Variants in PIP5K1B observed in about 807,000 individuals in gnomAD.
PIP5K1B encodes phosphatidylinositol 4-phosphate 5-kinase type-1 beta.
PIP5K1B carries 42 observed loss-of-function variants against 67.0 expected under a neutral mutation model. The observed-to-expected ratio is 0.63, with a 90% CI of 0.49 to 0.81. The LOEUF is 0.81. Among genes scored for constraint, PIP5K1B ranks in the 30% least tolerant of loss-of-function variants. The pLI is 0.00. For missense variants in PIP5K1B, 459 were observed against 646.3 expected (o/e 0.71, Z 3.14); for synonymous variants, 214 against 231.4 (o/e 0.92, Z 0.68).
At chr9:68,917,902 A>T (rs1436501248) in intron 9 of PIP5K1B, 143 bp downstream of exon 9, 1 of 620,360 alleles carries the variant, frequency 1.6e-6, no homozygotes, top group East Asian at 2.7e-5. Flanking sequence ...ACTGGTCTCC[A>T]TTTCTATTCA....
intron 4 of PIP5K1B, among the ~76,000 whole-genome samples, chr9:68,839,923 T>G (rs907945552): frequency 3.3e-5 from 5 of 152,216 alleles, no homozygotes; most frequent in Non-Finnish European, 7.3e-5. Context: ...CATTCATTTA[T>G]TCAACAAATT....
chr9:68,826,491 T>C (rs1833984091), intron 4 of PIP5K1B, among the ~76,000 whole-genome samples: 1 of 152,230 alleles, frequency 6.6e-6, no homozygotes, highest in Non-Finnish European at 1.5e-5. Flanking sequence ...TCAAATGTTT[T>C]TAAAAATACA....
chr9:68,765,957 C>A (rs182905283), intron 2 of PIP5K1B, among the ~76,000 whole-genome samples: 7 of 152,040 alleles, frequency 4.6e-5, no homozygotes, highest in Admixed American at 2.0e-4. Flanking sequence ...GGACAAGGGG[C>A]CAAAAAATAA....
At chr9:68,834,848 G>T (rs1834512660) in intron 4 of PIP5K1B, among the ~76,000 whole-genome samples, 1 of 152,114 alleles carries the variant, frequency 6.6e-6, no homozygotes, top group Non-Finnish European at 1.5e-5. Flanking sequence ...TAATGATGTG[G>T]CATCCTGAAG....
At chr9:68,940,897 C>A in intron 14 of PIP5K1B, 107 bp downstream of exon 14, 1 of 1,006,484 alleles carries the variant, frequency 9.9e-7, no homozygotes. Context: ...CAGGATGTGC[C>A]TGTCATCTGC....
chr9:68,919,466 G>C lies in PIP5K1B; in HGVS notation c.984-13G>C, dbSNP rs770217384. 2 of 1,371,882 alleles carry C rather than the reference G, an allele frequency of 1.5e-6. No individual in the cohort carries two copies. The highest frequency in any genetic ancestry group is 1.3e-5 in the South Asian group (1 of 78,448). The allele number at this position is 1,371,882 out of a possible 1,614,324, so 85.0% of individuals were successfully genotyped here. A position where few individuals can be genotyped will look rare whatever the true frequency, so the allele number is the denominator to read the frequency against. ...TATGTAATCAAATATTTTCTCTTTT[G>C]CTCCATCAACAGAATGGGAGGCATT... On this transcript the variant is annotated splice_polypyrimidine_tract_variant and intron_variant, in intron 9 of 15. Coordinates refer to ENST00000265382, the MANE Select transcript of PIP5K1B (RefSeq NM_003558.4).
chr9:68,775,480 A>T (rs1157085394), intron 2 of PIP5K1B, among the ~76,000 whole-genome samples: 2 of 152,224 alleles, frequency 1.3e-5, no homozygotes, highest in Non-Finnish European at 2.9e-5. Flanking sequence ...ACAGCAGTCA[A>T]TCTGGTAACT....
At chr9:68,908,947 C>T (rs1453221430) in intron 8 of PIP5K1B, among the ~76,000 whole-genome samples, 1 of 152,182 alleles carries the variant, frequency 6.6e-6, no homozygotes, top group African/African-American at 2.4e-5. Flanking sequence ...CCTGTCAGCT[C>T]CACATTTTGT....
At chr9:68,883,227 C>T (rs1042092569) in intron 6 of PIP5K1B, among the ~76,000 whole-genome samples, 13 of 152,316 alleles carry the variant, frequency 8.5e-5, no homozygotes, top group East Asian at 5.8e-4. Flanking sequence ...TTTCACAAAT[C>T]GCTCTTCCAC....
chr9:68,881,177 C>G (rs982478252), intron 6 of PIP5K1B, among the ~76,000 whole-genome samples: 1 of 152,178 alleles, frequency 6.6e-6, no homozygotes. Flanking sequence ...ACCAGCTGGC[C>G]TCATGCTTTC....
intron 4 of PIP5K1B, among the ~76,000 whole-genome samples, chr9:68,858,055 C>G (rs1174743606): frequency 6.6e-6 from 1 of 152,042 alleles, no homozygotes; most frequent in African/African-American, 2.4e-5. Context: ...GTCACTACAA[C>G]CTTTGCCTCC....
intron 14 of PIP5K1B, among the ~76,000 whole-genome samples, chr9:68,971,410 T>C (rs1829361686): frequency 1.3e-5 from 2 of 152,222 alleles, no homozygotes; most frequent in South Asian, 4.1e-4. Context: ...GGCATTTCGG[T>C]TGGTTCCAAT....
In PIP5K1B at chr9:68,776,352, C is replaced by T. The variant is rs201264979; in HGVS notation, c.-86+33695C>T. 3.9e-5 allele frequency among the ~76,000 whole-genome samples: 6 copies of T among 152,274 alleles called. No individual in the cohort carries two copies. The East Asian group carries it at 9.6e-4, about 24-fold the overall frequency. ...CTAATAATAATATTGTTCTAAGTGCCTACTCCCTGCTAGTCACTTTAAACA... is the reference window on the plus strand; with the variant it reads ...CTAATAATAATATTGTTCTAAGTGCTTACTCCCTGCTAGTCACTTTAAACA... On this transcript the variant is annotated intron_variant, in intron 2 of 15. Coordinates refer to ENST00000265382, the MANE Select transcript of PIP5K1B (RefSeq NM_003558.4).
intron 11 of PIP5K1B, among the ~76,000 whole-genome samples, chr9:68,921,863 T>A (rs1328284458): frequency 1.4e-5 from 2 of 147,388 alleles, no homozygotes; most frequent in Non-Finnish European, 3.0e-5. Flanking sequence ...AAATAAATAA[T>A]AAATAAATTA....
At chr9:68,913,612 T>C (rs1414764664) in intron 8 of PIP5K1B, among the ~76,000 whole-genome samples, 1 of 152,216 alleles carries the variant, frequency 6.6e-6, no homozygotes, top group Non-Finnish European at 1.5e-5. Context: ...TTTCTCTTTT[T>C]GTTCCTTCAG....
At chr9:68,716,275 TTCA>T (rs1172757386) in intron 1 of PIP5K1B, among the ~76,000 whole-genome samples, 3 of 152,242 alleles carry the variant, frequency 2.0e-5, no homozygotes, top group African/African-American at 4.8e-5. Context: ...ACTATATGGC[TTCA>T]ACTTAAAAGG....
intron 1 of PIP5K1B, among the ~76,000 whole-genome samples, chr9:68,719,604 G>A (rs1351668284): frequency 6.6e-6 from 1 of 152,104 alleles, no homozygotes; most frequent in East Asian, 1.9e-4. Context: ...AAGATGTGTT[G>A]TTCAGACTCA....
In PIP5K1B at chr9:68,831,432, G is replaced by A. The variant is rs139715845; in HGVS notation, c.69+8749G>A. Among the ~76,000 whole-genome samples the A allele has an allele frequency of 1.4e-3, 215 of 152,310 alleles. 3 individuals are homozygous for A. Among genetic ancestry groups the A allele is most frequent in the African/African-American group, 4.9e-3 (205 of 41,574 alleles). On this transcript the variant is annotated intron_variant, in intron 4 of 15. Transcript: ENST00000265382. ...TTACAGATGAGAAAACAGGTACAGA[G>A]AGGTTAATTAAATGCTCCAGGGCAT...
At chr9:68,720,238 T>C (rs1365975645) in intron 1 of PIP5K1B, among the ~76,000 whole-genome samples, 3 of 152,234 alleles carry the variant, frequency 2.0e-5, no homozygotes, top group Admixed American at 6.5e-5. Flanking sequence ...GCATCTAGCC[T>C]TGCCACTGCT....
Sources: allele counts gnomAD v4.1 joint callset (sites outside exome capture counted in the v4.1 genomes callset), GRCh38; gene constraint gnomAD v4.1.1; transcripts MANE v1.5; gene names NCBI Gene and HGNC (gene_info 2026-07-23, HGNC 2026-07-21).